The following VPS53 variants were observed in gnomAD, a reference collection of about 807,000 sequenced individuals.
The protein encoded by VPS53 is vacuolar protein sorting-associated protein 53 homolog.
A neutral mutation model predicts 107.0 loss-of-function variants in VPS53; 70 were observed. The ratio of observed to expected loss-of-function variants is 0.65; its 90% CI spans 0.54 to 0.80. The LOEUF (loss-of-function observed/expected upper bound fraction) is 0.80. VPS53 is among the 30% of genes least tolerant of loss of function. The probability of loss-of-function intolerance (pLI) is 0.00; values close to 1 mark genes in which losing one functional copy is unlikely to be tolerated. For missense variants in VPS53, 917 were observed against 1,049.4 expected (o/e 0.87, Z 1.74); for synonymous variants, 409 against 393.3 (o/e 1.04, Z -0.47).
intron 13 of VPS53, among the ~76,000 whole-genome samples, chr17:571,382 C>A (rs1914041029): frequency 6.6e-6 from 1 of 152,162 alleles, no homozygotes; most frequent in Non-Finnish European, 1.5e-5. Context: ...AATGAGGAAT[C>A]TGGATGAAGG....
chr17:531,656 TTAGC>T (rs1486869928), intron 19 of VPS53, among the ~76,000 whole-genome samples: 1 of 152,082 alleles, frequency 6.6e-6, no homozygotes, highest in Non-Finnish European at 1.5e-5. Flanking sequence ...GGACCGTTTT[TTAGC>T]TAATGTTTTA....
rs573943858 is a variant in VPS53, at chr17:561,818, TGG to T, written c.1556+683_1556+684del. 4.3e-3 allele frequency among the ~76,000 whole-genome samples: 647 copies of T among 152,224 alleles called. 2 individuals are homozygous for T. Among genetic ancestry groups the T allele is most frequent in the Non-Finnish European group, 7.7e-3 (525 of 68,004 alleles). ...CTGATTTTTGTATTTTTAGTAGAGA[TGG>T]GGTTTCACCATATTAGCCAGGCTGG... On this transcript the variant is annotated intron_variant, in intron 14 of 21. Coordinates refer to ENST00000437048, the MANE Select transcript of VPS53 (RefSeq NM_001128159.3).
At chr17:611,880 G>A (rs191427359) in intron 11 of VPS53, among the ~76,000 whole-genome samples, 2 of 151,100 alleles carry the variant, frequency 1.3e-5, no homozygotes, top group East Asian at 2.0e-4. Flanking sequence ...TTCATACAGT[G>A]AAAACCTGTA....
chr17:588,457 AAAT>A (rs1967449200), intron 12 of VPS53, among the ~76,000 whole-genome samples: 1 of 152,232 alleles, frequency 6.6e-6, no homozygotes, highest in Admixed American at 6.5e-5. Flanking sequence ...GCCTTTAAAA[AAAT>A]TTTTTTTTAA....
chr17:540,947 C>T (rs908026757), intron 17 of VPS53, among the ~76,000 whole-genome samples: 1 of 152,204 alleles, frequency 6.6e-6, no homozygotes, highest in Non-Finnish European at 1.5e-5. Flanking sequence ...GACCAGAGAA[C>T]AGCGCTCCAC....
At chr17:667,118 A>C (rs1971722531) in intron 4 of VPS53, among the ~76,000 whole-genome samples, 2 of 152,184 alleles carry the variant, frequency 1.3e-5, no homozygotes, top group African/African-American at 4.8e-5. Flanking sequence ...TTTGTAAACA[A>C]TGTGTTTTTG....
chr17:640,416 C>T (rs1339605679), intron 7 of VPS53, among the ~76,000 whole-genome samples: 3 of 152,164 alleles, frequency 2.0e-5, no homozygotes, highest in African/African-American at 7.2e-5. Flanking sequence ...CCTGCACCCA[C>T]TGTCCGACAA....
At chr17:531,188 C>A (rs773489905) in intron 19 of VPS53, among the ~76,000 whole-genome samples, 2 of 152,218 alleles carry the variant, frequency 1.3e-5, no homozygotes, top group Non-Finnish European at 2.9e-5. Context: ...ACAGGCCCAG[C>A]CAAACCTCAA....
rs1167225896 is a variant in VPS53 at position 515,103 on chromosome 17, G to A, written c.*4025C>T. The stretch of plus-strand genomic sequence containing the variant: ...TACCACTATTTATTTTAAACCCAAA[G>A]TGACTTCAAAGTTGTTTTTTGGTTT... On this transcript the variant is annotated 3_prime_UTR_variant, in exon 22 of 22. Transcript: ENST00000437048. 6.6e-6 allele frequency: 1 copy of A among 152,152 alleles called. No homozygotes were observed. Among genetic ancestry groups the A allele is most frequent in the Non-Finnish European group, 1.5e-5 (1 of 68,030 alleles). The allele number at this position is 152,152 out of a possible 1,614,324, so 9.4% of individuals were successfully genotyped here.
chr17:647,792 A>G (rs1209133210), intron 7 of VPS53, among the ~76,000 whole-genome samples: 3 of 152,202 alleles, frequency 2.0e-5, no homozygotes, highest in Non-Finnish European at 2.9e-5. Flanking sequence ...AAATAATAAA[A>G]AGATTTTCAT....
chr17:547,229 A>T (rs1911284475), intron 17 of VPS53, among the ~76,000 whole-genome samples: 1 of 152,198 alleles, frequency 6.6e-6, no homozygotes, highest in East Asian at 1.9e-4. Flanking sequence ...AAAATTGTAC[A>T]TGAATGTTCA....
chr17:669,525 G>A (rs537501942), intron 4 of VPS53, among the ~76,000 whole-genome samples: 51 of 149,602 alleles, frequency 3.4e-4, no homozygotes, highest in East Asian at 2.8e-3. Context: ...CCCAGGAGGC[G>A]GAGGCTGCAG....
At chr17:653,137 C>A (rs1429295346) in intron 7 of VPS53, 154 bp downstream of exon 7, 39 of 985,034 alleles carry the variant, frequency 4.0e-5, no homozygotes, top group Non-Finnish European at 4.6e-5. Flanking sequence ...TCTGTGGAAT[C>A]CCCATATACT....
In VPS53 at chr17:626,928, C is replaced by A. The variant is rs147164219; in HGVS notation, c.974+246G>T. ...ACTGTAGGTCAATCTGGTGTATAAGCCTTGAGTTGGTGGAGAAGGTAGAGA... is the reference window on the plus strand; with the variant it reads ...ACTGTAGGTCAATCTGGTGTATAAGACTTGAGTTGGTGGAGAAGGTAGAGA... On this transcript the variant is annotated intron_variant, in intron 10 of 21. Transcript: ENST00000437048. 9.2e-5 allele frequency among the ~76,000 whole-genome samples: 14 copies of A among 152,142 alleles called. No individual in the cohort carries two copies. The East Asian group carries it at 2.7e-3, about 29-fold the overall frequency.
At chr17:621,458 T>C (rs185686912) in intron 11 of VPS53, among the ~76,000 whole-genome samples, 7 of 152,374 alleles carry the variant, frequency 4.6e-5, no homozygotes, top group East Asian at 3.8e-4. Context: ...TGTAAAATTG[T>C]TGCTTGACAG....
chr17:662,853 G>GGAAGGAAGGAAGGAAC lies in VPS53; in HGVS notation c.286-959_286-958insGTTCCTTCCTTCCTTC, dbSNP rs1555575932. Among the ~76,000 whole-genome samples the GGAAGGAAGGAAGGAAC allele has an allele frequency of 8.2e-3, 735 of 89,578 alleles. 4 individuals are homozygous for GGAAGGAAGGAAGGAAC. The highest frequency in any genetic ancestry group is 0.024 in the Admixed American group (180 of 7,596). The allele number at this position is 89,578 out of a possible 152,430, so 58.8% of individuals were successfully genotyped here. A position where few individuals can be genotyped will look rare whatever the true frequency, so the allele number is the denominator to read the frequency against. The stretch of plus-strand genomic sequence containing the variant: ...AGAAAGAAAGGAAGGAAGGAAGGAA[G>GGAAGGAAGGAAGGAAC]GAAGGAAGGAAGGAAGGAACGAAGG... On this transcript the variant is annotated intron_variant, in intron 4 of 21. Transcript: ENST00000437048.
chr17:709,557 C>T lies in VPS53; in HGVS notation c.168+976G>A, dbSNP rs192911215. ...CTGTCCCACTGTCACTGACGGCATT[C>T]GCCAGGGTCTCCCACCACTTGATCC... On this transcript the variant is annotated intron_variant, in intron 2 of 21. Transcript: ENST00000437048. Among the ~76,000 whole-genome samples the T allele has an allele frequency of 4.6e-5, 7 of 152,296 alleles. No individual in the cohort carries two copies. The East Asian group carries it at 1.3e-3, about 29-fold the overall frequency.
intron 4 of VPS53, among the ~76,000 whole-genome samples, chr17:664,265 A>G (rs1375130700): frequency 6.6e-6 from 1 of 152,060 alleles, no homozygotes; most frequent in Non-Finnish European, 1.5e-5. Context: ...TTTTTAGTAG[A>G]GACGGGGTTT....
chr17:581,178 C>A (rs1049785609), intron 13 of VPS53, among the ~76,000 whole-genome samples: 9 of 151,254 alleles, frequency 6.0e-5, no homozygotes, highest in South Asian at 2.1e-4. Flanking sequence ...CGCAGAGAAC[C>A]TCCCTCAGAA....
Sources: gnomAD v4.1 joint callset for allele counts (sites outside exome capture counted in the v4.1 genomes callset) on GRCh38, gnomAD v4.1.1 for gene constraint, MANE v1.5 for transcripts, NCBI Gene and HGNC (gene_info 2026-07-23, HGNC 2026-07-21) for gene names.